The following EBF1 variants were observed in gnomAD, a reference collection of about 807,000 sequenced individuals.
EBF1 encodes the protein EBF transcription factor 1.
Under a neutral mutation model 68.4 loss-of-function variants are expected in EBF1, and 10 were observed. The observed-to-expected ratio is 0.15, with a 90% CI of 0.09 to 0.25. EBF1 has a LOEUF of 0.25. Ranked by LOEUF, EBF1 falls within the 10% of genes least tolerant of loss-of-function variation. The pLI is 1.00. For synonymous variants in EBF1, 298 were observed against 299.8 expected (o/e 0.99, Z 0.06); for missense variants, 509 against 794.4 (o/e 0.64, Z 4.32).
chr5:158,988,235 C>A (rs76673717), intron 6 of EBF1, among the ~76,000 whole-genome samples: 109 of 152,296 alleles, frequency 7.2e-4, no homozygotes, highest in African/African-American at 2.5e-3. Context: ...CCAGTGCCCC[C>A]CCTTCTCTTC....
chr5:159,026,175 C>T (rs905400112), intron 6 of EBF1, among the ~76,000 whole-genome samples: 3 of 152,148 alleles, frequency 2.0e-5, no homozygotes, highest in Admixed American at 6.5e-5. Context: ...CACACTGCCC[C>T]GGGCTCAGTC....
chr5:158,858,520 A>G (rs1562138223), intron 6 of EBF1, among the ~76,000 whole-genome samples: 1 of 152,168 alleles, frequency 6.6e-6, no homozygotes, highest in Non-Finnish European at 1.5e-5. Context: ...AAGTAAAGAA[A>G]CCAAGGCTTA....
At chr5:158,981,429 A>C (rs1757880925) in intron 6 of EBF1, among the ~76,000 whole-genome samples, 1 of 152,220 alleles carries the variant, frequency 6.6e-6, no homozygotes, top group Admixed American at 6.5e-5. Context: ...TAACTGTATT[A>C]GTGGTGCCAA....
chr5:159,007,659 C>A (rs765535782), intron 6 of EBF1, among the ~76,000 whole-genome samples: 1 of 152,140 alleles, frequency 6.6e-6, no homozygotes, highest in Non-Finnish European at 1.5e-5. Context: ...GTAGCCAGGG[C>A]CCCTTCGTGC....
At chr5:158,980,522 A>G (rs1757685448) in intron 6 of EBF1, among the ~76,000 whole-genome samples, 1 of 152,158 alleles carries the variant, frequency 6.6e-6, no homozygotes, top group South Asian at 2.1e-4. Flanking sequence ...CAACCCCAAT[A>G]TAGTCTTTTT....
intron 6 of EBF1, among the ~76,000 whole-genome samples, chr5:159,010,409 T>C (rs1171961997): frequency 6.6e-6 from 1 of 152,244 alleles, no homozygotes; most frequent in African/African-American, 2.4e-5. Flanking sequence ...CTGTGTTCTA[T>C]TGTTCCAAAA....
chr5:159,058,423 G>A (rs922114981), intron 6 of EBF1, among the ~76,000 whole-genome samples: 6 of 152,160 alleles, frequency 3.9e-5, no homozygotes, highest in Non-Finnish European at 7.4e-5. Context: ...CAGCTGAAGG[G>A]GACCCTGGGG....
At chr5:158,714,064 G>T in intron 12 of EBF1, 53 bp downstream of exon 12, 2 of 1,575,854 alleles carry the variant, frequency 1.3e-6, no homozygotes, top group Non-Finnish European at 1.7e-6. Context: ...AGGAATCTGA[G>T]ATCTTTAATT....
At chr5:158,888,901 T>C (rs1800589670) in intron 6 of EBF1, among the ~76,000 whole-genome samples, 1 of 152,172 alleles carries the variant, frequency 6.6e-6, no homozygotes, top group Non-Finnish European at 1.5e-5. Context: ...CTGTCATAGA[T>C]GTGTCCTCTC....
At chr5:158,963,992 C>T (rs771518425) in intron 6 of EBF1, among the ~76,000 whole-genome samples, 63 of 152,226 alleles carry the variant, frequency 4.1e-4, no homozygotes, top group Middle Eastern at 6.8e-3. Context: ...GTGAAAAATG[C>T]TATGACGGAG....
chr5:158,818,637 T>C (rs1784214968), intron 8 of EBF1, among the ~76,000 whole-genome samples: 1 of 152,222 alleles, frequency 6.6e-6, no homozygotes, highest in South Asian at 2.1e-4. Context: ...CTATTGTTTT[T>C]ATTTATCTTG....
chr5:159,045,358 C>G (rs1021215829), intron 6 of EBF1, among the ~76,000 whole-genome samples: 2 of 151,880 alleles, frequency 1.3e-5, no homozygotes, highest in African/African-American at 4.8e-5. Flanking sequence ...TTCCTCCCTC[C>G]CTCCTTTTTT....
intron 6 of EBF1, among the ~76,000 whole-genome samples, chr5:158,933,552 T>C (rs1811349940): frequency 6.6e-6 from 1 of 152,226 alleles, no homozygotes; most frequent in African/African-American, 2.4e-5. Context: ...AAGGGTTCAC[T>C]GATTGTTTGT....
At chr5:158,775,776 GCACACAGACACACAC>G (rs1775041449) in intron 10 of EBF1, among the ~76,000 whole-genome samples, 1 of 56,002 alleles carries the variant, frequency 1.8e-5, no homozygotes, top group African/African-American at 9.2e-5. Flanking sequence ...ACACACACAT[GCACACAGACACACAC>G]ACACACACAC....
intron 6 of EBF1, among the ~76,000 whole-genome samples, chr5:158,929,745 A>G (rs945691209): frequency 6.6e-6 from 1 of 152,242 alleles, no homozygotes; most frequent in African/African-American, 2.4e-5. Flanking sequence ...CAATAAGTGC[A>G]AAAGATTATT....
At chr5:159,099,251 C>T (rs1311456642) in intron 1 of EBF1, 94 bp downstream of exon 1, 1 of 1,055,508 alleles carries the variant, frequency 9.5e-7, no homozygotes, top group Non-Finnish European at 1.2e-6. Context: ...GCCGCCCGGC[C>T]CCGCGGCAGC....
chr5:158,997,274 C>A (rs770746171), intron 6 of EBF1, among the ~76,000 whole-genome samples: 33 of 152,168 alleles, frequency 2.2e-4, no homozygotes, highest in Non-Finnish European at 4.0e-4. Context: ...TGAGGAGAGC[C>A]AGACTGGGAC....
At chr5:158,981,808 T>C (rs942516581) in intron 6 of EBF1, among the ~76,000 whole-genome samples, 3 of 152,200 alleles carry the variant, frequency 2.0e-5, no homozygotes, top group African/African-American at 7.2e-5. Context: ...ACAATTACTA[T>C]TGTTTTATTT....
intron 11 of EBF1, among the ~76,000 whole-genome samples, chr5:158,715,061 A>G (rs1760338398): frequency 6.6e-6 from 1 of 152,170 alleles, no homozygotes; most frequent in African/African-American, 2.4e-5. Flanking sequence ...ATTTTTCCCT[A>G]ATTTTCTTCA....
Sources: gnomAD v4.1 joint callset for allele counts (sites outside exome capture counted in the v4.1 genomes callset) on GRCh38, gnomAD v4.1.1 for gene constraint, MANE v1.5 for transcripts, NCBI Gene and HGNC (gene_info 2026-07-23, HGNC 2026-07-21) for gene names.